Variants in SYT14 observed in about 807,000 individuals in gnomAD.
SYT14 encodes synaptotagmin-14.
A neutral mutation model predicts 74.2 loss-of-function variants in SYT14; 32 were observed. The observed-to-expected ratio is 0.43, with a 90% CI of 0.33 to 0.58. The LOEUF (loss-of-function observed/expected upper bound fraction) is 0.58, where lower values mean the gene tolerates loss of function less well. Among genes scored for constraint, SYT14 ranks in the 20% least tolerant of loss-of-function variants. The pLI is 0.05. For missense variants in SYT14, 791 were observed against 981.8 expected (o/e 0.81, Z 2.60); for synonymous variants, 298 against 337.7 (o/e 0.88, Z 1.29).
At chr1:210,025,331 C>T (rs1471958507) in intron 5 of SYT14, among the ~76,000 whole-genome samples, 2 of 152,152 alleles carry the variant, frequency 1.3e-5, no homozygotes, top group African/African-American at 4.8e-5. Flanking sequence ...ATAAATGACA[C>T]ACAAGGAAAG....
At chr1:209,957,291 T>C (rs1283582535) in intron 2 of SYT14, among the ~76,000 whole-genome samples, 1 of 152,182 alleles carries the variant, frequency 6.6e-6, no homozygotes, top group African/African-American at 2.4e-5. Context: ...CTTTCCCTTT[T>C]GTTTGGGTGG....
chr1:210,006,395 A>G (rs1380241852), intron 2 of SYT14, among the ~76,000 whole-genome samples: 2 of 151,988 alleles, frequency 1.3e-5, no homozygotes, highest in African/African-American at 4.8e-5. Context: ...ATTATGAATA[A>G]TTCTCTATGT....
chr1:209,953,883 T>G (rs2078951579), intron 2 of SYT14, among the ~76,000 whole-genome samples: 1 of 152,216 alleles, frequency 6.6e-6, no homozygotes, highest in Non-Finnish European at 1.5e-5. Context: ...AGGATTGTGA[T>G]TCTCATGCTA....
At chr1:210,135,252 G>T (rs1408654680) in intron 7 of SYT14, among the ~76,000 whole-genome samples, 1 of 151,990 alleles carries the variant, frequency 6.6e-6, no homozygotes, top group Non-Finnish European at 1.5e-5. Context: ...AAGATGCTGG[G>T]ATTACAGGCA....
chr1:209,997,057 A>G (rs910798287), intron 2 of SYT14, among the ~76,000 whole-genome samples: 1 of 152,092 alleles, frequency 6.6e-6, no homozygotes, highest in Non-Finnish European at 1.5e-5. Flanking sequence ...CTGGAACAAG[A>G]CAAGAATGTC....
intron 5 of SYT14, among the ~76,000 whole-genome samples, chr1:210,068,415 T>C (rs988272576): frequency 4.6e-5 from 7 of 151,808 alleles, no homozygotes; most frequent in African/African-American, 1.2e-4. Context: ...TTTTACAAAA[T>C]TGTAAAGCAA....
intron 5 of SYT14, among the ~76,000 whole-genome samples, chr1:210,072,969 G>C (rs1224177046): frequency 6.9e-6 from 1 of 145,240 alleles, no homozygotes; most frequent in Non-Finnish European, 1.5e-5. Context: ...ACTCTTTTAA[G>C]ACAAAATTCT....
chr1:210,064,249 C>A (rs182675392), intron 5 of SYT14, among the ~76,000 whole-genome samples: 1 of 151,920 alleles, frequency 6.6e-6, no homozygotes, highest in Non-Finnish European at 1.5e-5. Context: ...TTTTAAAAAT[C>A]TGTTATTTAT....
At chr1:210,009,185 A>C (rs750443362) in intron 2 of SYT14, among the ~76,000 whole-genome samples, 5 of 152,142 alleles carry the variant, frequency 3.3e-5, no homozygotes, top group Non-Finnish European at 5.9e-5. Context: ...TGTATATCCT[A>C]TTGCAGTTTT....
intron 7 of SYT14, among the ~76,000 whole-genome samples, chr1:210,124,025 G>A (rs1165767980): frequency 1.3e-5 from 2 of 152,094 alleles, no homozygotes; most frequent in Non-Finnish European, 2.9e-5. Flanking sequence ...GGGTCAGTAC[G>A]AGGATTGGCA....
chr1:210,163,259 C>T (rs188338904), exon 10 of SYT14: 2 of 453,644 alleles, frequency 4.4e-6, no homozygotes, highest in South Asian at 3.1e-5. Flanking sequence ...TTTGTTAAAT[C>T]TACCTTTTTT....
chr1:210,060,465 C>T (rs2102409467), intron 5 of SYT14, among the ~76,000 whole-genome samples: 1 of 152,096 alleles, frequency 6.6e-6, no homozygotes, highest in East Asian at 1.9e-4. Context: ...TAAAATTTAT[C>T]ATTTGTCTCT....
intron 8 of SYT14, chr1:210,156,997 C>A: frequency 6.1e-6 from 1 of 164,506 alleles, no homozygotes; most frequent in Non-Finnish European, 1.4e-5. Flanking sequence ...CCTGGCCCAG[C>A]TTCTTTATAC....
chr1:210,052,665 C>CAAAAAAAA lies in SYT14; in HGVS notation c.1312+31423_1312+31430dup, dbSNP rs561069342. On this transcript the variant is annotated intron_variant, in intron 5 of 9. Transcript: ENST00000637265. ...CAGCAAGAGCGAAACTACATCTCAC[C>CAAAAAAAA]AAAAAAAAAAAAAAAAAAAGCTCTC... Among the ~76,000 whole-genome samples the CAAAAAAAA allele has an allele frequency of 1.2e-3, 49 of 42,244 alleles. 10 individuals are homozygous for CAAAAAAAA. Among genetic ancestry groups the CAAAAAAAA allele is most frequent in the African/African-American group, 4.8e-3 (44 of 9,254 alleles). The allele number at this position is 42,244 out of a possible 152,430, so 27.7% of individuals were successfully genotyped here. A position where few individuals can be genotyped will look rare whatever the true frequency, so the allele number is the denominator to read the frequency against.
At chr1:210,021,204 C>T (rs1192775388) in exon 5 of SYT14, 3 of 1,613,852 alleles carry the variant, frequency 1.9e-6, no homozygotes, top group East Asian at 2.2e-5. Context: ...AAATACAGTC[C>T]TCTATCGGCA....
chr1:210,024,642 C>T (rs1260840926), intron 5 of SYT14, among the ~76,000 whole-genome samples: 1 of 152,050 alleles, frequency 6.6e-6, no homozygotes, highest in African/African-American at 2.4e-5. Flanking sequence ...ATCATGAATG[C>T]GTTTCAGGGA....
chr1:210,078,988 C>G (rs565535715), intron 5 of SYT14, among the ~76,000 whole-genome samples: 87 of 152,028 alleles, frequency 5.7e-4, no homozygotes, highest in African/African-American at 1.3e-3. Context: ...CACATGAGCT[C>G]AAGCGATCAG....
intron 5 of SYT14, among the ~76,000 whole-genome samples, chr1:210,067,681 A>T (rs940719194): frequency 1.3e-5 from 2 of 151,916 alleles, no homozygotes; most frequent in African/African-American, 4.8e-5. Flanking sequence ...CTTCTTACTG[A>T]TCTTTTATGT....
intron 5 of SYT14, among the ~76,000 whole-genome samples, chr1:210,034,262 T>G (rs1042221496): frequency 6.6e-6 from 1 of 151,720 alleles, no homozygotes; most frequent in Non-Finnish European, 1.5e-5. Flanking sequence ...GTGTCTGCCC[T>G]CAGAGCTAAT....
Sources: allele counts gnomAD v4.1 joint callset (sites outside exome capture counted in the v4.1 genomes callset), GRCh38; gene constraint gnomAD v4.1.1; transcripts MANE v1.5; gene names NCBI Gene and HGNC (gene_info 2026-07-23, HGNC 2026-07-21).